NTN1: variants seen among roughly 807,000 people sequenced by gnomAD.
The protein encoded by NTN1 is netrin-1.
NTN1 carries 11 observed loss-of-function variants against 54.2 expected under a neutral mutation model. The ratio of observed to expected loss-of-function variants is 0.20; its 90% CI spans 0.13 to 0.34. The LOEUF is 0.34. NTN1 is among the 10% of genes least tolerant of loss of function. The pLI is 1.00. For synonymous variants in NTN1, 371 were observed against 382.0 expected, an observed-to-expected ratio of 0.97 and a Z score of 0.33; for missense variants, 740 against 893.1, an observed-to-expected ratio of 0.83 and a Z score of 2.18.
At chr17:9,017,174 TA>T (rs143889975), upstream of NTN1, among the ~76,000 whole-genome samples, 5,672 of 152,170 alleles carry the variant, frequency 0.037, 187 homozygotes, top group African/African-American at 0.089. Flanking sequence ...CAAACAACAA[TA>T]AAAAATCCCA....
At chr17:9,035,416 C>T (rs1025023585) in intron 2 of NTN1, among the ~76,000 whole-genome samples, 10 of 152,290 alleles carry the variant, frequency 6.6e-5, no homozygotes, top group East Asian at 1.9e-4. Flanking sequence ...ACTCCACTTA[C>T]GGCAGGCATT....
At chr17:9,112,309 A>G (rs2092194334) in intron 2 of NTN1, among the ~76,000 whole-genome samples, 1 of 152,200 alleles carries the variant, frequency 6.6e-6, no homozygotes, top group South Asian at 2.1e-4. Context: ...CAGCAATACT[A>G]TTCCTTTCCT....
intron 5 of NTN1, among the ~76,000 whole-genome samples, chr17:9,213,252 GC>G (rs1274948640): frequency 6.6e-6 from 1 of 152,248 alleles, no homozygotes; most frequent in African/African-American, 2.4e-5. Flanking sequence ...CGAGTAGGGG[GC>G]CAGGCAGTGC....
At chr17:9,115,872 C>T (rs937056971) in intron 2 of NTN1, among the ~76,000 whole-genome samples, 4 of 152,216 alleles carry the variant, frequency 2.6e-5, no homozygotes, top group Non-Finnish European at 1.5e-5. Flanking sequence ...TCTCCGAGGC[C>T]GTGGAGGAAG....
chr17:9,196,854 A>T (rs1387056635), intron 5 of NTN1, among the ~76,000 whole-genome samples: 3 of 152,180 alleles, frequency 2.0e-5, no homozygotes, highest in Non-Finnish European at 4.4e-5. Context: ...ACAGAGAGGC[A>T]TGTGAAACTT....
intron 5 of NTN1, among the ~76,000 whole-genome samples, chr17:9,218,550 A>G (rs1905261182): frequency 6.6e-6 from 1 of 152,146 alleles, no homozygotes; most frequent in South Asian, 2.1e-4. Flanking sequence ...GGCTCTGGAG[A>G]GAAGAGCTGT....
intron 2 of NTN1, among the ~76,000 whole-genome samples, chr17:9,116,252 G>A (rs990348379): frequency 6.6e-6 from 1 of 152,184 alleles, no homozygotes; most frequent in Non-Finnish European, 1.5e-5. Context: ...GCATGGTGGG[G>A]TAGGCAGAGC....
At chr17:9,049,893 A>G (rs967283646) in intron 2 of NTN1, among the ~76,000 whole-genome samples, 1 of 152,234 alleles carries the variant, frequency 6.6e-6, no homozygotes, top group Non-Finnish European at 1.5e-5. Flanking sequence ...AAGAGTTCAC[A>G]GAAATTTGTT....
At chr17:9,082,316 C>T (rs1299845516) in intron 2 of NTN1, among the ~76,000 whole-genome samples, 2 of 152,240 alleles carry the variant, frequency 1.3e-5, no homozygotes, top group Non-Finnish European at 2.9e-5. Context: ...CCGCCTCAGC[C>T]TCCCAAAGTG....
intron 2 of NTN1, among the ~76,000 whole-genome samples, chr17:9,079,552 T>C (rs1289921616): frequency 1.3e-5 from 2 of 152,218 alleles, no homozygotes; most frequent in Non-Finnish European, 2.9e-5. Context: ...ACCTATTTTC[T>C]GGCCCTTGAG....
intron 2 of NTN1, among the ~76,000 whole-genome samples, chr17:9,102,281 G>A (rs1285803256): frequency 6.6e-6 from 1 of 152,144 alleles, no homozygotes; most frequent in Non-Finnish European, 1.5e-5. Context: ...CAGCATGGCT[G>A]GAGAGGCCTC....
intron 2 of NTN1, among the ~76,000 whole-genome samples, chr17:9,085,914 C>T (rs1000054052): frequency 2.0e-5 from 3 of 152,148 alleles, no homozygotes; most frequent in Non-Finnish European, 4.4e-5. Flanking sequence ...AGAACTGTCT[C>T]CTCTCCTCTT....
intron 5 of NTN1, among the ~76,000 whole-genome samples, chr17:9,220,502 C>T (rs747077224): frequency 6.6e-6 from 1 of 152,044 alleles, no homozygotes; most frequent in Non-Finnish European, 1.5e-5. Context: ...CTGGCAGGCC[C>T]TGGTGCCCTC....
chr17:9,147,288 G>A (rs752539342), intron 2 of NTN1, among the ~76,000 whole-genome samples: 8 of 152,158 alleles, frequency 5.3e-5, no homozygotes, highest in East Asian at 1.9e-4. Flanking sequence ...GGCAGATCAC[G>A]AGGTCAGGAG....
chr17:9,143,627 GTCTT>G (rs1567721054), intron 2 of NTN1, among the ~76,000 whole-genome samples: 1 of 152,178 alleles, frequency 6.6e-6, no homozygotes, highest in Non-Finnish European at 1.5e-5. Context: ...TCAGAGAGGT[GTCTT>G]TCTTTCTATG....
chr17:9,093,004 C>T (rs1034578607), intron 2 of NTN1, among the ~76,000 whole-genome samples: 13 of 152,138 alleles, frequency 8.5e-5, no homozygotes, highest in African/African-American at 2.2e-4. Flanking sequence ...GTGATCCGCC[C>T]GCCTCGGCCT....
intron 2 of NTN1, among the ~76,000 whole-genome samples, chr17:9,096,412 C>T (rs1450574503): frequency 8.3e-6 from 1 of 120,102 alleles, no homozygotes; most frequent in Non-Finnish European, 1.6e-5. Flanking sequence ...GCTCTGTCGC[C>T]CAGGCTGGAG....
At chr17:9,011,935 C>T in the NTN1 span, among the ~76,000 whole-genome samples, 2 of 152,160 alleles carry the variant, frequency 1.3e-5, no homozygotes, top group Non-Finnish European at 2.9e-5. Context: ...ACCACTTTAA[C>T]TGTCCATAAT....
At chr17:9,111,948 T>C (rs1177183076) in intron 2 of NTN1, among the ~76,000 whole-genome samples, 1 of 152,176 alleles carries the variant, frequency 6.6e-6, no homozygotes, top group African/African-American at 2.4e-5. Context: ...TGTTGTTCAA[T>C]GGTTAACTGA....
Sources: gnomAD v4.1 joint callset for allele counts (sites outside exome capture counted in the v4.1 genomes callset) on GRCh38, gnomAD v4.1.1 for gene constraint, MANE v1.5 for transcripts, NCBI Gene and HGNC (gene_info 2026-07-23, HGNC 2026-07-21) for gene names.